Variants in MEIS2 observed in about 807,000 individuals in gnomAD.
MEIS2 encodes the protein Meis homeobox 2.
Under a neutral mutation model 58.6 loss-of-function variants are expected in MEIS2, and 9 were observed. That is an observed-to-expected ratio of 0.15 (90% confidence interval 0.09 to 0.27). MEIS2 has a LOEUF of 0.27. MEIS2 is among the 10% of genes least tolerant of loss of function. MEIS2 has a pLI of 1.00. For missense variants in MEIS2, 427 were observed against 635.0 expected (o/e 0.67, Z 3.52); for synonymous variants, 221 against 228.4 (o/e 0.97, Z 0.29).
intron 8 of MEIS2, among the ~76,000 whole-genome samples, chr15:36,996,103 A>T (rs544965810): frequency 6.7e-6 from 1 of 150,066 alleles, no homozygotes; most frequent in Admixed American, 6.8e-5. Context: ...GTGAATAATT[A>T]TGCTACTTAG....
intron 7 of MEIS2, among the ~76,000 whole-genome samples, chr15:37,037,284 C>T (rs2062195708): frequency 6.6e-6 from 1 of 152,180 alleles, no homozygotes; most frequent in Admixed American, 6.5e-5. Flanking sequence ...AGTGGAAACG[C>T]ATCCCCATGC....
upstream of MEIS2, chr15:37,100,554 G>C (rs1365411062): frequency 2.9e-5 from 4 of 135,620 alleles, no homozygotes; most frequent in South Asian, 5.7e-4. Flanking sequence ...GAGTGCGATC[G>C]GACAGCCCCG....
At chr15:37,000,001 C>T (rs550214028) in intron 8 of MEIS2, among the ~76,000 whole-genome samples, 1 of 152,298 alleles carries the variant, frequency 6.6e-6, no homozygotes, top group East Asian at 1.9e-4. Context: ...TTCTTCCTAC[C>T]TCCCACATGG....
chr15:37,036,673 A>C lies in MEIS2; in HGVS notation c.900+141T>G, dbSNP rs575538331. On this transcript the variant is annotated intron_variant, in intron 8 of 11. Coordinates refer to ENST00000561208, the MANE Select transcript of MEIS2 (RefSeq NM_170675.5). The stretch of plus-strand genomic sequence containing the variant: ...ATGGTAATAGTTGATGAAAAAAAAA[A>C]CTTTAACTAGTCTGTTAGTCATCAG... 4.3e-6 allele frequency: 4 copies of C among 922,184 alleles called. No individual in the cohort carries two copies. The East Asian group carries it at 1.1e-4, about 25-fold the overall frequency. The allele number at this position is 922,184 out of a possible 1,614,324, so 57.1% of individuals were successfully genotyped here. A position where few individuals can be genotyped will look rare whatever the true frequency, so the allele number is the denominator to read the frequency against.
intron 9 of MEIS2, among the ~76,000 whole-genome samples, chr15:36,939,309 T>C (rs193127891): frequency 1.3e-4 from 20 of 152,322 alleles, no homozygotes; most frequent in African/African-American, 4.8e-4. Context: ...ATAATCCCTT[T>C]GTCACATAAA....
intron 7 of MEIS2, among the ~76,000 whole-genome samples, chr15:37,052,792 T>C (rs1261724604): frequency 6.6e-6 from 1 of 152,214 alleles, no homozygotes; most frequent in Non-Finnish European, 1.5e-5. Context: ...TTTATAAAAA[T>C]ATCTTCTTCC....
At chr15:36,973,537 T>C (rs547277874) in intron 8 of MEIS2, among the ~76,000 whole-genome samples, 1 of 152,300 alleles carries the variant, frequency 6.6e-6, no homozygotes, top group African/African-American at 2.4e-5. Context: ...GTAGGTGTTA[T>C]AAAACATTGG....
chr15:36,912,655 T>C (rs1567042741), intron 9 of MEIS2, among the ~76,000 whole-genome samples: 1 of 152,170 alleles, frequency 6.6e-6, no homozygotes, highest in Non-Finnish European at 1.5e-5. Context: ...TGAGGCGACA[T>C]CAAAGCATTT....
chr15:36,950,450 G>A (rs375214556), intron 8 of MEIS2, 50 bp from the exon 9 acceptor site: 19 of 1,536,206 alleles, frequency 1.2e-5, no homozygotes, highest in Non-Finnish European at 1.7e-5. Context: ...TTAAGAAAGA[G>A]TCACTTACTT....
At chr15:37,020,842 A>T (rs1199305998) in intron 8 of MEIS2, among the ~76,000 whole-genome samples, 1 of 152,036 alleles carries the variant, frequency 6.6e-6, no homozygotes, top group Non-Finnish European at 1.5e-5. Context: ...GTCCTAAAAT[A>T]TTGTTAAGCT....
At chr15:36,988,212 T>C (rs1231234542) in intron 8 of MEIS2, among the ~76,000 whole-genome samples, 1 of 152,212 alleles carries the variant, frequency 6.6e-6, no homozygotes, top group East Asian at 1.9e-4. Flanking sequence ...AATCACTATA[T>C]ATATGTGTAT....
chr15:37,094,108 G>T, intron 5 of MEIS2: 1 of 264,016 alleles, frequency 3.8e-6, no homozygotes, highest in South Asian at 7.3e-5. Context: ...ATAAGCTAGG[G>T]GTTTCGTATG....
At chr15:36,968,387 C>A (rs1180479671) in intron 8 of MEIS2, among the ~76,000 whole-genome samples, 2 of 152,076 alleles carry the variant, frequency 1.3e-5, no homozygotes, top group African/African-American at 4.8e-5. Flanking sequence ...ATCCCCCAGG[C>A]CTGTGTTTCT....
intron 9 of MEIS2, among the ~76,000 whole-genome samples, chr15:36,938,320 A>G (rs746046929): frequency 5.3e-5 from 8 of 152,034 alleles, no homozygotes; most frequent in Non-Finnish European, 8.8e-5. Context: ...CTCTTTCCCT[A>G]CAGGGCTCAT....
At chr15:36,969,664 G>A (rs2059466924) in intron 8 of MEIS2, among the ~76,000 whole-genome samples, 1 of 152,166 alleles carries the variant, frequency 6.6e-6, no homozygotes, top group Non-Finnish European at 1.5e-5. Flanking sequence ...CTAATGAAAA[G>A]TAAAAGGGCA....
Position 36,889,717 on chromosome 15 carries a change from C to G in MEIS2, c.*2456G>C, listed in dbSNP as rs2055787024. The G allele has an allele frequency of 6.6e-6, 1 of 152,074 alleles. No individual in the cohort carries two copies. The highest frequency in any genetic ancestry group is 2.1e-4 in the South Asian group (1 of 4,834). 9.4% of individuals were successfully genotyped at this position (152,074 alleles called of 1,614,324 possible). ...TACTGAGTGGAAAGAAAAAAAGGTTCTTTTTCCCACCTGATGTGAGAGTTG... is the reference window on the plus strand; with the variant it reads ...TACTGAGTGGAAAGAAAAAAAGGTTGTTTTTCCCACCTGATGTGAGAGTTG... On this transcript the variant is annotated 3_prime_UTR_variant, in exon 12 of 12. Coordinates refer to ENST00000561208, the MANE Select transcript of MEIS2 (RefSeq NM_170675.5).
chr15:36,916,790 T>G (rs577367715), intron 9 of MEIS2, among the ~76,000 whole-genome samples: 1 of 152,316 alleles, frequency 6.6e-6, no homozygotes, highest in African/African-American at 2.4e-5. Context: ...TCATCCATAT[T>G]ATTATAATTA....
At chr15:37,028,221 G>A (rs2061776419) in intron 8 of MEIS2, among the ~76,000 whole-genome samples, 4 of 152,078 alleles carry the variant, frequency 2.6e-5, no homozygotes, top group African/African-American at 9.7e-5. Flanking sequence ...ATCTTGAAAC[G>A]TCTTAAAATG....
intron 7 of MEIS2, among the ~76,000 whole-genome samples, chr15:37,080,837 A>T (rs1172251722): frequency 6.6e-6 from 1 of 152,210 alleles, no homozygotes; most frequent in East Asian, 1.9e-4. Context: ...TCTTTGAAAG[A>T]TAGTAAAGTC....
Sources: gnomAD v4.1 joint callset for allele counts (sites outside exome capture counted in the v4.1 genomes callset) on GRCh38, gnomAD v4.1.1 for gene constraint, MANE v1.5 for transcripts, NCBI Gene and HGNC (gene_info 2026-07-23, HGNC 2026-07-21) for gene names.